The following CIMIP6 variants were observed in gnomAD, a reference collection of about 807,000 sequenced individuals.
The protein encoded by CIMIP6 is uncharacterized protein C2orf73.
the CIMIP6 span, among the ~76,000 whole-genome samples, chr2:54,362,332 T>TTAAAACATATAATTGTTA: frequency 2.6e-5 from 4 of 152,154 alleles, no homozygotes; most frequent in African/African-American, 9.7e-5. Context: ...GATAAAAGAA[T>TTAAAACATATAATTGTTA]TAAAACATAT....
At chr2:54,381,564 C>T in the CIMIP6 span, among the ~76,000 whole-genome samples, 1 of 152,210 alleles carries the variant, frequency 6.6e-6, no homozygotes, top group Non-Finnish European at 1.5e-5. Flanking sequence ...TAGCGAGGAA[C>T]AAAGAAACGA....
chr2:54,383,647 C>T, the CIMIP6 span: 4 of 151,936 alleles, frequency 2.6e-5, no homozygotes, highest in South Asian at 8.3e-4. Flanking sequence ...TTGTTCTCTA[C>T]CATAAATAAT....
chr2:54,372,853 T>C, the CIMIP6 span, among the ~76,000 whole-genome samples: 1 of 152,196 alleles, frequency 6.6e-6, no homozygotes, highest in Non-Finnish European at 1.5e-5. Context: ...TGTACTGCAA[T>C]AGCTAACTGG....
At chr2:54,330,889 C>G in the CIMIP6 span, 1 of 1,345,716 alleles carries the variant, frequency 7.4e-7, no homozygotes, top group Non-Finnish European at 1.1e-6. Flanking sequence ...GAGTCACAGT[C>G]GCCGCGCTTT....
the CIMIP6 span, among the ~76,000 whole-genome samples, chr2:54,370,643 A>T: frequency 6.6e-6 from 1 of 152,154 alleles, no homozygotes; most frequent in Non-Finnish European, 1.5e-5. Flanking sequence ...GAACTGTGGG[A>T]AAAGTTGAAG....
the CIMIP6 span, chr2:54,334,960 C>G: frequency 6.2e-7 from 1 of 1,604,116 alleles, no homozygotes; most frequent in Non-Finnish European, 8.5e-7. Context: ...TTCATTAACA[C>G]AAATGCAAGA....
the CIMIP6 span, among the ~76,000 whole-genome samples, chr2:54,348,679 GTATA>G: frequency 6.6e-6 from 1 of 152,124 alleles, no homozygotes; most frequent in Non-Finnish European, 1.5e-5. Flanking sequence ...TTAAAAATAT[GTATA>G]TAAACTAGTC....
At chr2:54,364,842 T>A in the CIMIP6 span, among the ~76,000 whole-genome samples, 4 of 152,218 alleles carry the variant, frequency 2.6e-5, no homozygotes, top group South Asian at 6.2e-4. Flanking sequence ...CGAACACAGA[T>A]AAATGTAGGA....
the CIMIP6 span, chr2:54,360,633 A>C: frequency 7.2e-7 from 1 of 1,381,568 alleles, no homozygotes; most frequent in Non-Finnish European, 9.6e-7. Context: ...CTTGGCCCTC[A>C]CATTTACTTT....
At chr2:54,379,047 A>C in the CIMIP6 span, among the ~76,000 whole-genome samples, 1 of 146,438 alleles carries the variant, frequency 6.8e-6, no homozygotes, top group African/African-American at 2.8e-5. Context: ...AATGAATAAT[A>C]AACCAACGAA....
chr2:54,355,974 G>A, the CIMIP6 span, among the ~76,000 whole-genome samples: 3 of 152,138 alleles, frequency 2.0e-5, no homozygotes, highest in Admixed American at 6.6e-5. Flanking sequence ...GACAAAGGCT[G>A]AAGACCAGGG....
the CIMIP6 span, among the ~76,000 whole-genome samples, chr2:54,351,539 A>G: frequency 6.6e-6 from 1 of 152,096 alleles, no homozygotes; most frequent in Non-Finnish European, 1.5e-5. Flanking sequence ...AAAACCAAAT[A>G]CCACTTGTTC....
the CIMIP6 span, among the ~76,000 whole-genome samples, chr2:54,358,640 C>T: frequency 4.2e-4 from 64 of 152,256 alleles, no homozygotes; most frequent in African/African-American, 1.5e-3. Flanking sequence ...AGCAATCCTC[C>T]TGTCTTGGCC....
the CIMIP6 span, among the ~76,000 whole-genome samples, chr2:54,367,362 C>G: frequency 6.6e-6 from 1 of 151,966 alleles, no homozygotes; most frequent in Non-Finnish European, 1.5e-5. Flanking sequence ...TCTGACAACC[C>G]TATGTCAGTT....
At chr2:54,332,834 G>A in the CIMIP6 span, among the ~76,000 whole-genome samples, 10 of 152,130 alleles carry the variant, frequency 6.6e-5, no homozygotes, top group Non-Finnish European at 8.8e-5. Context: ...TGACCCCAAA[G>A]ACTCTACCTT....
At chr2:54,344,098 T>C in the CIMIP6 span, among the ~76,000 whole-genome samples, 173 of 152,328 alleles carry the variant, frequency 1.1e-3, 1 homozygote, top group African/African-American at 4.1e-3. Context: ...GTATTGATCA[T>C]TAATAACACC....
At chr2:54,346,600 CA>C in the CIMIP6 span, among the ~76,000 whole-genome samples, 2 of 152,156 alleles carry the variant, frequency 1.3e-5, no homozygotes, top group African/African-American at 4.8e-5. Context: ...ACCAGGTGTT[CA>C]AGTTTTGATA....
chr2:54,365,455 G>C, the CIMIP6 span, among the ~76,000 whole-genome samples: 1 of 152,118 alleles, frequency 6.6e-6, no homozygotes, highest in Non-Finnish European at 1.5e-5. Context: ...GGAGTTAGCA[G>C]AACTCATATG....
At chr2:54,382,126 A>G in the CIMIP6 span, 1 of 1,091,048 alleles carries the variant, frequency 9.2e-7, no homozygotes, top group Non-Finnish European at 1.2e-6. Context: ...AGAAATGTGA[A>G]CAATGAAAGA....
Sources: gnomAD v4.1 joint callset for allele counts (sites outside exome capture counted in the v4.1 genomes callset) on GRCh38, gnomAD v4.1.1 for gene constraint, MANE v1.5 for transcripts, NCBI Gene and HGNC (gene_info 2026-07-23, HGNC 2026-07-21) for gene names.